XKR9: variants seen among roughly 807,000 people sequenced by gnomAD.
XKR9 encodes XK related 9.
A neutral mutation model predicts 32.0 loss-of-function variants in XKR9; 32 were observed. The observed-to-expected ratio is 1.00, with a 90% CI of 0.76 to 1.34. The LOEUF is 1.34. XKR9 is among the 40% of genes most tolerant of loss of function. The probability of loss-of-function intolerance (pLI) is 0.00; values close to 1 mark genes in which losing one functional copy is unlikely to be tolerated. For synonymous variants in XKR9, 168 were observed against 143.4 expected, an observed-to-expected ratio of 1.17 and a Z score of -1.22; for missense variants, 546 against 429.7, an observed-to-expected ratio of 1.27 and a Z score of -2.39.
chr8:70,742,701 T>A (rs1371251710), intron 2 of XKR9, among the ~76,000 whole-genome samples: 1 of 152,130 alleles, frequency 6.6e-6, no homozygotes, highest in Non-Finnish European at 1.5e-5. Flanking sequence ...TTTCCTTCCT[T>A]TAAGTGTTTT....
the XKR9 span, among the ~76,000 whole-genome samples, chr8:71,057,756 G>A: frequency 1.3e-5 from 2 of 151,850 alleles, no homozygotes; most frequent in African/African-American, 2.4e-5. Flanking sequence ...TTAGCATTGT[G>A]TGACACTGAA....
At chr8:70,737,780 T>C (rs1806891951), downstream of XKR9, among the ~76,000 whole-genome samples, 1 of 131,164 alleles carries the variant, frequency 7.6e-6, no homozygotes, top group Admixed American at 7.7e-5. Flanking sequence ...TTTCTTGATT[T>C]GCATATATTG....
At chr8:70,834,057 C>G in the XKR9 span, among the ~76,000 whole-genome samples, 1 of 152,054 alleles carries the variant, frequency 6.6e-6, no homozygotes, top group Admixed American at 6.6e-5. Flanking sequence ...ACGGTCCAAA[C>G]TCTTTGTGTA....
the XKR9 span, among the ~76,000 whole-genome samples, chr8:70,805,180 G>T: frequency 6.6e-6 from 1 of 152,178 alleles, no homozygotes; most frequent in South Asian, 2.1e-4. Flanking sequence ...GCCACACAGG[G>T]CAGGGGAATC....
chr8:70,959,933 G>A, the XKR9 span, among the ~76,000 whole-genome samples: 1 of 152,090 alleles, frequency 6.6e-6, no homozygotes, highest in Non-Finnish European at 1.5e-5. Context: ...ATTACACATT[G>A]GGATTAAAAA....
the XKR9 span, among the ~76,000 whole-genome samples, chr8:71,000,209 T>G: frequency 6.6e-6 from 1 of 152,202 alleles, no homozygotes. Flanking sequence ...GACAAAATGA[T>G]TTAGTGTTAT....
chr8:70,844,167 C>T, the XKR9 span, among the ~76,000 whole-genome samples: 3 of 152,214 alleles, frequency 2.0e-5, no homozygotes, highest in Admixed American at 6.5e-5. Context: ...GCAACCTCAA[C>T]CCCCAGCCCC....
chr8:71,046,072 C>T, the XKR9 span, among the ~76,000 whole-genome samples: 10 of 152,090 alleles, frequency 6.6e-5, no homozygotes, highest in Non-Finnish European at 4.4e-5. Flanking sequence ...CTACATGGAC[C>T]TCTCCAAGCT....
chr8:70,766,290 G>A (rs1807374590), intron 2 of XKR9, among the ~76,000 whole-genome samples: 1 of 152,136 alleles, frequency 6.6e-6, no homozygotes, highest in African/African-American at 2.4e-5. Context: ...TTGAGCAGTG[G>A]TTTGTAGTTC....
At chr8:70,897,345 C>G in the XKR9 span, among the ~76,000 whole-genome samples, 25 of 152,132 alleles carry the variant, frequency 1.6e-4, no homozygotes, top group African/African-American at 6.0e-4. Context: ...GCAATTAACG[C>G]AGGAGTGCAG....
At chr8:70,800,210 C>T in the XKR9 span, among the ~76,000 whole-genome samples, 1 of 152,152 alleles carries the variant, frequency 6.6e-6, no homozygotes, top group East Asian at 1.9e-4. Flanking sequence ...AGGGATAAAG[C>T]CTACTTGAGC....
intron 4 of XKR9, among the ~76,000 whole-genome samples, chr8:70,713,251 A>T (rs1563441930): frequency 6.6e-6 from 1 of 152,152 alleles, no homozygotes. Context: ...AGAGAGACAA[A>T]GAGATAGAAA....
downstream of XKR9, among the ~76,000 whole-genome samples, chr8:70,739,581 G>C (rs1176776020): frequency 6.6e-6 from 1 of 152,068 alleles, no homozygotes. Context: ...TTTACAATTT[G>C]GCATGATTTT....
At chr8:70,774,690 C>A (rs1807496311) in intron 2 of XKR9, among the ~76,000 whole-genome samples, 3 of 152,006 alleles carry the variant, frequency 2.0e-5, no homozygotes, top group Admixed American at 2.0e-4. Context: ...TTATTGGTAT[C>A]TTTGTAAAAA....
the XKR9 span, among the ~76,000 whole-genome samples, chr8:71,038,827 C>T: frequency 8.4e-6 from 1 of 118,888 alleles, no homozygotes; most frequent in African/African-American, 3.3e-5. Context: ...TTTTTTGAGA[C>T]AGAGTCTTGT....
At chr8:71,039,944 A>G in the XKR9 span, among the ~76,000 whole-genome samples, 1 of 152,208 alleles carries the variant, frequency 6.6e-6, no homozygotes, top group African/African-American at 2.4e-5. Context: ...AAAAAGAATC[A>G]TTGATTGTTT....
chr8:70,924,388 G>A, the XKR9 span, among the ~76,000 whole-genome samples: 3 of 152,116 alleles, frequency 2.0e-5, no homozygotes, highest in African/African-American at 4.8e-5. Context: ...GACCATGTAA[G>A]CCTCTGGTTT....
At chr8:70,712,890 A>T (rs1329083934) in intron 4 of XKR9, among the ~76,000 whole-genome samples, 1 of 152,150 alleles carries the variant, frequency 6.6e-6, no homozygotes, top group African/African-American at 2.4e-5. Context: ...AAAAGTTTTC[A>T]ATGGAAAACA....
intron 4 of XKR9, among the ~76,000 whole-genome samples, chr8:70,718,499 G>A (rs904030581): frequency 4.6e-5 from 7 of 152,148 alleles, no homozygotes; most frequent in Non-Finnish European, 8.8e-5. Context: ...AGGCCCCAGA[G>A]TGTGATGATC....
Sources: gnomAD v4.1 joint callset for allele counts (sites outside exome capture counted in the v4.1 genomes callset) on GRCh38, gnomAD v4.1.1 for gene constraint, MANE v1.5 for transcripts, NCBI Gene and HGNC (gene_info 2026-07-23, HGNC 2026-07-21) for gene names.